Variants in ENTREP2 observed in about 807,000 individuals in gnomAD.
The protein encoded by ENTREP2 is protein ENTREP2.
At chr15:29,182,210 C>T in the ENTREP2 span, among the ~76,000 whole-genome samples, 18 of 151,882 alleles carry the variant, frequency 1.2e-4, no homozygotes, top group South Asian at 8.3e-4. Context: ...CTGCAAGCTC[C>T]GCCTCCTGGG....
chr15:29,461,175 T>A, the ENTREP2 span, among the ~76,000 whole-genome samples: 1 of 152,314 alleles, frequency 6.6e-6, no homozygotes, highest in South Asian at 2.1e-4. Flanking sequence ...GTGATGTTTG[T>A]GATAAATGTA....
the ENTREP2 span, among the ~76,000 whole-genome samples, chr15:29,263,887 G>A: frequency 4.6e-5 from 7 of 151,966 alleles, no homozygotes; most frequent in East Asian, 1.9e-4. Context: ...GGGTGGGCGC[G>A]GTGGCTCACG....
the ENTREP2 span, among the ~76,000 whole-genome samples, chr15:29,141,894 A>T: frequency 2.0e-5 from 3 of 152,194 alleles, no homozygotes; most frequent in Non-Finnish European, 4.4e-5. Flanking sequence ...GGTAGGTTCC[A>T]TGCCCACCCA....
chr15:29,590,805 T>C, the ENTREP2 span, among the ~76,000 whole-genome samples: 1 of 151,006 alleles, frequency 6.6e-6, no homozygotes, highest in Admixed American at 6.6e-5. Context: ...ACACAAAAGG[T>C]TTTTAAGGGA....
the ENTREP2 span, among the ~76,000 whole-genome samples, chr15:29,531,336 CTA>C: frequency 1.3e-5 from 2 of 152,176 alleles, no homozygotes; most frequent in Non-Finnish European, 2.9e-5. Context: ...GACTTTCAAA[CTA>C]GCCATCATCA....
chr15:29,278,365 G>A, the ENTREP2 span, among the ~76,000 whole-genome samples: 8,079 of 152,278 alleles, frequency 0.053, 648 homozygotes, highest in African/African-American at 0.17. Flanking sequence ...GGTCTGTGCT[G>A]GCAGAAGCCC....
At chr15:29,312,815 A>C in the ENTREP2 span, among the ~76,000 whole-genome samples, 1 of 152,190 alleles carries the variant, frequency 6.6e-6, no homozygotes, top group Non-Finnish European at 1.5e-5. Context: ...AGTGAAAGGA[A>C]GGGTCACACG....
chr15:29,201,275 GC>G, the ENTREP2 span, among the ~76,000 whole-genome samples: 1 of 151,618 alleles, frequency 6.6e-6, no homozygotes, highest in East Asian at 1.9e-4. Flanking sequence ...TTATTTTCTT[GC>G]CATACTACAT....
At chr15:29,659,252 C>T in the ENTREP2 span, among the ~76,000 whole-genome samples, 2 of 152,132 alleles carry the variant, frequency 1.3e-5, no homozygotes, top group African/African-American at 2.4e-5. Flanking sequence ...TGGCAGATCA[C>T]GAGGTCAGGA....
At chr15:29,329,097 T>C in the ENTREP2 span, among the ~76,000 whole-genome samples, 3 of 152,284 alleles carry the variant, frequency 2.0e-5, no homozygotes, top group Non-Finnish European at 4.4e-5. Flanking sequence ...GCGCAGTGGC[T>C]CACACCTGTA....
chr15:29,124,491 T>C, the ENTREP2 span, among the ~76,000 whole-genome samples: 1 of 152,062 alleles, frequency 6.6e-6, no homozygotes, highest in East Asian at 1.9e-4. Flanking sequence ...TGTGTTAAAT[T>C]AGTGCTAGCC....
chr15:29,173,651 C>A, the ENTREP2 span, among the ~76,000 whole-genome samples: 1 of 152,078 alleles, frequency 6.6e-6, no homozygotes, highest in African/African-American at 2.4e-5. Flanking sequence ...GAGATGGTCA[C>A]CAGCACCTCG....
At chr15:29,154,157 A>G in the ENTREP2 span, among the ~76,000 whole-genome samples, 1 of 152,220 alleles carries the variant, frequency 6.6e-6, no homozygotes, top group African/African-American at 2.4e-5. Context: ...TGAAATTATT[A>G]GTTCTAACAA....
chr15:29,325,235 C>T, the ENTREP2 span, among the ~76,000 whole-genome samples: 8 of 151,934 alleles, frequency 5.3e-5, no homozygotes, highest in South Asian at 2.1e-4. Flanking sequence ...AAAGAAGAAA[C>T]GTTTATAACC....
the ENTREP2 span, among the ~76,000 whole-genome samples, chr15:29,428,253 G>A: frequency 1.6e-3 from 239 of 152,126 alleles, 1 homozygote; most frequent in Non-Finnish European, 2.8e-3. Context: ...TCACTCTATC[G>A]CCCAGGCTGC....
At chr15:29,315,593 A>G in the ENTREP2 span, among the ~76,000 whole-genome samples, 1 of 152,238 alleles carries the variant, frequency 6.6e-6, no homozygotes, top group African/African-American at 2.4e-5. Flanking sequence ...ACTTAAATGG[A>G]GACAGAGAGA....
At chr15:29,159,431 G>C in the ENTREP2 span, among the ~76,000 whole-genome samples, 9 of 152,288 alleles carry the variant, frequency 5.9e-5, 1 homozygote, top group Admixed American at 2.6e-4. Context: ...CCACAGCATA[G>C]AAAAGGACAG....
the ENTREP2 span, among the ~76,000 whole-genome samples, chr15:29,300,486 C>G: frequency 1.3e-5 from 2 of 152,190 alleles, no homozygotes; most frequent in Non-Finnish European, 2.9e-5. Flanking sequence ...GGTAGATAAT[C>G]ACTGGGTTAA....
At chr15:29,417,879 T>C in the ENTREP2 span, among the ~76,000 whole-genome samples, 3 of 152,166 alleles carry the variant, frequency 2.0e-5, no homozygotes, top group Non-Finnish European at 4.4e-5. Flanking sequence ...TGGAAAACTC[T>C]ACAGTTCTGT....
Sources: gnomAD v4.1 joint callset for allele counts (sites outside exome capture counted in the v4.1 genomes callset) on GRCh38, gnomAD v4.1.1 for gene constraint, MANE v1.5 for transcripts, NCBI Gene and HGNC (gene_info 2026-07-23, HGNC 2026-07-21) for gene names.